The following ZC3HAV1 variants were observed in gnomAD, a reference collection of about 807,000 sequenced individuals.
ZC3HAV1 encodes the protein zinc finger CCCH-type containing, antiviral 1, also known as zinc finger CCCH-type antiviral protein 1.
Under a neutral mutation model 86.6 loss-of-function variants are expected in ZC3HAV1, and 41 were observed. The observed-to-expected ratio is 0.47, with a 90% CI of 0.37 to 0.61. ZC3HAV1 has a LOEUF of 0.61. Among genes scored for constraint, ZC3HAV1 ranks in the 20% least tolerant of loss-of-function variants. The pLI, the probability that ZC3HAV1 is intolerant of heterozygous loss-of-function variation, is 0.00. For missense variants in ZC3HAV1, 964 were observed against 1,141.1 expected (o/e 0.84, Z 2.24); for synonymous variants, 421 against 432.1 (o/e 0.97, Z 0.32).
At chr7:139,094,548 C>A (rs1223071112) in intron 1 of ZC3HAV1, among the ~76,000 whole-genome samples, 1 of 151,238 alleles carries the variant, frequency 6.6e-6, no homozygotes. Context: ...GCAGAATTGT[C>A]TCTCTTTAAG....
chr7:139,085,392 T>C (rs949462665), intron 2 of ZC3HAV1, among the ~76,000 whole-genome samples: 5 of 152,248 alleles, frequency 3.3e-5, no homozygotes, highest in Non-Finnish European at 7.3e-5. Flanking sequence ...AGTTTATATA[T>C]CAGGCAGTCA....
chr7:139,085,566 C>T (rs1180226951), intron 2 of ZC3HAV1, among the ~76,000 whole-genome samples: 2 of 152,188 alleles, frequency 1.3e-5, no homozygotes, highest in Non-Finnish European at 2.9e-5. Flanking sequence ...TGAATGAATG[C>T]AAAGCAATCA....
intron 9 of ZC3HAV1, among the ~76,000 whole-genome samples, chr7:139,058,866 G>A (rs1816365429): frequency 1.3e-5 from 2 of 152,140 alleles, no homozygotes; most frequent in African/African-American, 4.8e-5. Context: ...CATGTGCACA[G>A]AAAGAACCAT....
At position 139,074,014 on chromosome 7, in the gene ZC3HAV1, A is replaced by C. The variant is rs769805444; in HGVS notation, c.1714T>G (p.Tyr572Asp). The C allele has an allele frequency of 6.2e-7, 1 of 1,612,454 alleles. No individual in the cohort carries two copies. The highest frequency in any genetic ancestry group is 1.3e-5 in the African/African-American group (1 of 74,818). The change falls in exon 7 of 13, where the codon TAT (tyrosine) becomes GAT (aspartate). Residue 572 changes from tyrosine (Y) to aspartate (D), a missense_variant. By Grantham distance (160) the Tyr-to-Asp change is radical. Coordinates refer to ENST00000242351, the MANE Select transcript of ZC3HAV1 (RefSeq NM_020119.4). Reference protein sequence around the residue: ...PGIHLCSVGSYTINFRVMSCD... With the variant: ...PGIHLCSVGSDTINFRVMSCD... ...CTCATTACCCGAAAATTGATTGTAT[A>C]ACTTCCTACAGAACAGCTGAGAGAG...
At chr7:139,072,079 C>T (rs1374069366) in intron 7 of ZC3HAV1, among the ~76,000 whole-genome samples, 1 of 152,234 alleles carries the variant, frequency 6.6e-6, no homozygotes, top group Admixed American at 6.5e-5. Context: ...ATTATTAGTT[C>T]CGTGCAAAAG....
intron 1 of ZC3HAV1, among the ~76,000 whole-genome samples, chr7:139,099,940 T>TAAATAAATAAAC (rs1470202155): frequency 1.3e-4 from 19 of 151,432 alleles, no homozygotes; most frequent in African/African-American, 4.6e-4. Context: ...AATAAATAAA[T>TAAATAAATAAAC]AAACCTCAAA....
chr7:139,082,225 C>T (rs548188931), intron 3 of ZC3HAV1, among the ~76,000 whole-genome samples: 72 of 151,792 alleles, frequency 4.7e-4, no homozygotes, highest in Non-Finnish European at 9.4e-4. Flanking sequence ...GCCGAGGTCG[C>T]ACCACTGAAC....
chr7:139,103,857 G>A (rs1817849042), intron 1 of ZC3HAV1, among the ~76,000 whole-genome samples: 1 of 152,078 alleles, frequency 6.6e-6, no homozygotes, highest in South Asian at 2.1e-4. Flanking sequence ...CCAAAACACA[G>A]CATTGAATAA....
intron 12 of ZC3HAV1, among the ~76,000 whole-genome samples, chr7:139,053,158 T>C (rs570006576): frequency 6.6e-6 from 1 of 152,078 alleles, no homozygotes; most frequent in Non-Finnish European, 1.5e-5. Flanking sequence ...TGAGTAGTAA[T>C]GGTAGACAAC....
chr7:139,047,408 G>T lies in ZC3HAV1; in HGVS notation c.*186C>A. ...ATTTCATTGGCATGGGGTGCAACCT[G>T]GGCATCAGAATTTGTTTAAAACCTC... On this transcript the variant is annotated 3_prime_UTR_variant, in exon 13 of 13. Coordinates refer to ENST00000242351, the MANE Select transcript of ZC3HAV1 (RefSeq NM_020119.4). 1 of 672,772 alleles carries T rather than the reference G, an allele frequency of 1.5e-6. No individual in the cohort carries two copies. The highest frequency in any genetic ancestry group is 2.4e-6 in the Non-Finnish European group (1 of 409,936). The allele number at this position is 672,772 out of a possible 1,614,324, so 41.7% of individuals were successfully genotyped here. A position where few individuals can be genotyped will look rare whatever the true frequency, so the allele number is the denominator to read the frequency against.
rs1431987263 is a variant in ZC3HAV1, at chr7:139,109,517, CAA to C, written c.-188_-187del. On this transcript the variant is annotated 5_prime_UTR_variant, in exon 1 of 13. Transcript: ENST00000242351. ...AGCGATCCACTCTCGGCTCTCAGGTCAAGAGGCTAGATCTCACCGACCGGGTC... is the reference window on the plus strand; with the variant it reads ...AGCGATCCACTCTCGGCTCTCAGGTCGAGGCTAGATCTCACCGACCGGGTC... 24 of 732,884 alleles carry C rather than the reference CAA, an allele frequency of 3.3e-5. No homozygotes were observed. Among genetic ancestry groups the C allele is most frequent in the Admixed American group, 2.2e-4 (7 of 31,952 alleles). The allele number at this position is 732,884 out of a possible 1,614,324, so 45.4% of individuals were successfully genotyped here.
At chr7:139,106,270 C>A (rs1584878966) in intron 1 of ZC3HAV1, among the ~76,000 whole-genome samples, 1 of 152,116 alleles carries the variant, frequency 6.6e-6, no homozygotes, top group Admixed American at 6.5e-5. Context: ...ATATTGCCTA[C>A]AACAAATTGA....
At chr7:139,082,797 A>C (rs1023584869) in intron 3 of ZC3HAV1, among the ~76,000 whole-genome samples, 1 of 152,204 alleles carries the variant, frequency 6.6e-6, no homozygotes, top group Non-Finnish European at 1.5e-5. Flanking sequence ...AACAGAAAGC[A>C]GAATGTTAGT....
chr7:139,067,181 C>T (rs1262174411), intron 7 of ZC3HAV1, among the ~76,000 whole-genome samples: 1 of 151,826 alleles, frequency 6.6e-6, no homozygotes, highest in African/African-American at 2.4e-5. Flanking sequence ...GTCCCTTTCC[C>T]TCTGTTGCCC....
chr7:139,084,097 A>C (rs186539524), intron 2 of ZC3HAV1, 65 bp from the exon 3 acceptor site: 5 of 1,575,874 alleles, frequency 3.2e-6, no homozygotes, highest in Non-Finnish European at 4.3e-6. Context: ...ACATTCATTA[A>C]GGCAAGCTCA....
intron 7 of ZC3HAV1, 56 bp downstream of exon 7, chr7:139,073,800 C>A (rs1375381815): frequency 1.3e-6 from 2 of 1,521,672 alleles, no homozygotes; most frequent in South Asian, 1.2e-5. Flanking sequence ...CAACAGTGTT[C>A]TTTTTAAGTT....
chr7:139,105,581 A>G (rs983979488), intron 1 of ZC3HAV1, among the ~76,000 whole-genome samples: 2 of 152,252 alleles, frequency 1.3e-5, no homozygotes, highest in Non-Finnish European at 2.9e-5. Context: ...ACTAAAATGT[A>G]TCACTAAAAA....
rs775054562 is a variant in ZC3HAV1 at position 139,108,308 on chromosome 7, T to C, written c.308+716A>G. On this transcript the variant is annotated intron_variant, in intron 1 of 12. Coordinates refer to ENST00000242351, the MANE Select transcript of ZC3HAV1 (RefSeq NM_020119.4). The surrounding 1 kb of genome is among the most constrained non-coding windows in gnomAD (Gnocchi z 4.2). Reference sequence around the variant, plus strand: ...AGGCAAACGGAAACAACAGAAGCAGTGGCCCGAGACGTGAGCCACACTGCT... The same window carrying C: ...AGGCAAACGGAAACAACAGAAGCAGCGGCCCGAGACGTGAGCCACACTGCT... Among the ~76,000 whole-genome samples, 4 of 149,294 alleles carry C rather than the reference T, an allele frequency of 2.7e-5. No homozygotes were observed. The highest frequency in any genetic ancestry group is 3.6e-3 in the Middle Eastern group (1 of 278).
chr7:139,088,688 A>G (rs1817346037), intron 2 of ZC3HAV1, among the ~76,000 whole-genome samples: 1 of 152,260 alleles, frequency 6.6e-6, no homozygotes, highest in Admixed American at 6.5e-5. Context: ...ATAAAGGATC[A>G]GATAGTAAAT....
Sources: allele counts gnomAD v4.1 joint callset (sites outside exome capture counted in the v4.1 genomes callset), GRCh38; gene constraint gnomAD v4.1.1; non-coding constraint Gnocchi (gnomAD v3.1); transcripts MANE v1.5; gene names NCBI Gene and HGNC (gene_info 2026-07-23, HGNC 2026-07-21).